CSNK2B: variants seen among roughly 807,000 people sequenced by gnomAD.
CSNK2B encodes casein kinase 2 beta.
A neutral mutation model predicts 28.8 loss-of-function variants in CSNK2B; 2 were observed. That is an observed-to-expected ratio of 0.07 (90% CI 0.03 to 0.22). The LOEUF (loss-of-function observed/expected upper bound fraction) is 0.22. Among genes scored for constraint, CSNK2B ranks in the 10% least tolerant of loss-of-function variants. The probability of loss-of-function intolerance (pLI) is 1.00; values close to 1 mark genes in which losing one functional copy is unlikely to be tolerated. For synonymous variants in CSNK2B, 89 were observed against 96.1 expected (o/e 0.93, Z 0.43); for missense variants, 107 against 277.9 (o/e 0.39, Z 4.37).
In CSNK2B at chr6:31,666,686, C is replaced by T. The variant is rs1215214231; in HGVS notation, c.-11-135C>T. On this transcript the variant is annotated intron_variant, in intron 1 of 6. Coordinates refer to ENST00000375882, the MANE Select transcript of CSNK2B (RefSeq NM_001320.7). ...AAATTAGAGGAGCTGGAGAGGAGTGCTTCAGAGTTTGGGTTGCTTTAAGAA... is the reference window on the plus strand; with the variant it reads ...AAATTAGAGGAGCTGGAGAGGAGTGTTTCAGAGTTTGGGTTGCTTTAAGAA... The T allele has an allele frequency of 7.8e-6, 5 of 638,522 alleles. No individual in the cohort carries two copies. In the East Asian group the frequency reaches 8.1e-5, roughly 10 times the overall value. The allele number at this position is 638,522 out of a possible 1,614,324, so 39.6% of individuals were successfully genotyped here. A position where few individuals can be genotyped will look rare whatever the true frequency, so the allele number is the denominator to read the frequency against.
At chr6:31,666,962 C>T (rs778586673) in intron 2 of CSNK2B, 59 bp downstream of exon 2, 5 of 1,335,868 alleles carry the variant, frequency 3.7e-6, no homozygotes, top group South Asian at 3.5e-5. Context: ...CCAGACGTTC[C>T]TTCACATATT....
chr6:31,666,607 C>T (rs779387816), intron 1 of CSNK2B: 1 of 586,630 alleles, frequency 1.7e-6, no homozygotes, highest in Non-Finnish European at 3.0e-6. Context: ...TGGCTTCTTT[C>T]AAGTGGTGGG....
rs1461906064 is a variant in CSNK2B, at chr6:31,669,530, T to C, written c.557+22T>C. Reference sequence around the variant, plus strand: ...CCAGGTAGGGAGCAGGGAGAGTCATTAAGGGTCAAAGGAAAGGCCCAAGAT... The same window carrying C: ...CCAGGTAGGGAGCAGGGAGAGTCATCAAGGGTCAAAGGAAAGGCCCAAGAT... On this transcript the variant is annotated intron_variant, in intron 6 of 6. Transcript: ENST00000375882. The surrounding 1 kb of genome is among the most constrained non-coding windows in gnomAD (Gnocchi z 4.8). 5.6e-6 allele frequency: 9 copies of C among 1,599,754 alleles called. No homozygotes were observed. Among genetic ancestry groups the C allele is most frequent in the Non-Finnish European group, 7.6e-6 (9 of 1,177,676 alleles).
At chr6:31,666,776 C>T in intron 1 of CSNK2B, 45 bp from the exon 2 acceptor site, 1 of 1,488,790 alleles carries the variant, frequency 6.7e-7, no homozygotes, top group Non-Finnish European at 9.3e-7. Context: ...ATACCAGAGG[C>T]AGGGAAGGAG....
chr6:31,669,590 C>A lies in CSNK2B; in HGVS notation c.557+82C>A. ...AGGGGAGGACAGGGCATGGCCCTTT[C>A]TTGAGGTCTGCTTCTCCCAGAATCA... On this transcript the variant is annotated intron_variant, in intron 6 of 6. Coordinates refer to ENST00000375882, the MANE Select transcript of CSNK2B (RefSeq NM_001320.7). This position sits in a 1 kb window ranked among gnomAD's most constrained non-coding sequence, Gnocchi z 4.8. 1 of 1,453,220 alleles carries A rather than the reference C, an allele frequency of 6.9e-7. No individual in the cohort carries two copies. The highest frequency in any genetic ancestry group is 9.3e-7 in the Non-Finnish European group (1 of 1,076,212). 90.0% of individuals were successfully genotyped at this position (1,453,220 alleles called of 1,614,324 possible). A position where few individuals can be genotyped will look rare whatever the true frequency, so the allele number is the denominator to read the frequency against.
At position 31,669,654 on chromosome 6, in the gene CSNK2B, G is replaced by T; in HGVS notation, c.557+146G>T. On this transcript the variant is annotated intron_variant, in intron 6 of 6. Coordinates refer to ENST00000375882, the MANE Select transcript of CSNK2B (RefSeq NM_001320.7). The surrounding 1 kb of genome is among the most constrained non-coding windows in gnomAD (Gnocchi z 4.8). The stretch of plus-strand genomic sequence containing the variant: ...CTGAGTGACTGTGGGAAAGTTATTT[G>T]ATTATCTGTGCTTGAGTTACCTTAT... 9.2e-7 allele frequency: 1 copy of T among 1,089,918 alleles called. No homozygotes were observed. The highest frequency in any genetic ancestry group is 1.5e-5 in the South Asian group (1 of 65,698). The allele number at this position is 1,089,918 out of a possible 1,614,324, so 67.5% of individuals were successfully genotyped here. A position where few individuals can be genotyped will look rare whatever the true frequency, so the allele number is the denominator to read the frequency against.
Position 31,666,095 on chromosome 6 carries a change from C to G in CSNK2B, c.-125C>G, listed in dbSNP as rs1437874025. On this transcript the variant is annotated 5_prime_UTR_variant, in exon 1 of 7. Transcript: ENST00000375882. ...CACCCTCCCTAATTTCCACTCCCCC[C>G]ACCCCACTTCGCCTGCCGCGGTCGG... 2 of 994,408 alleles carry G rather than the reference C, an allele frequency of 2.0e-6. No homozygotes were observed. Among genetic ancestry groups the G allele is most frequent in the South Asian group, 4.3e-5 (1 of 23,428 alleles). 61.6% of individuals were successfully genotyped at this position (994,408 alleles called of 1,614,324 possible). A position where few individuals can be genotyped will look rare whatever the true frequency, so the allele number is the denominator to read the frequency against.
At chr6:31,668,462 C>T (rs1801952200) in intron 3 of CSNK2B, 77 bp from the exon 4 acceptor site, 7 of 1,304,862 alleles carry the variant, frequency 5.4e-6, no homozygotes, top group South Asian at 2.5e-5. Flanking sequence ...CTGAATAGCC[C>T]GCAGCCCCTG....
rs540112989 is a variant in CSNK2B at position 31,667,153 on chromosome 6, A to T, written c.72+250A>T. On this transcript the variant is annotated intron_variant, in intron 2 of 6. Coordinates refer to ENST00000375882, the MANE Select transcript of CSNK2B (RefSeq NM_001320.7). ...TTTGTGTCTTTTTCTTTTTTTTGAG[A>T]CTGGGTCTCACTCTGTCACCGAGGC... 3 of 656,748 alleles carry T rather than the reference A, an allele frequency of 4.6e-6. No individual in the cohort carries two copies. The African/African-American group carries it at 5.3e-5, about 12-fold the overall frequency. The allele number at this position is 656,748 out of a possible 1,614,324, so 40.7% of individuals were successfully genotyped here.
Position 31,670,031 on chromosome 6 carries a change from G to T in CSNK2B, c.*105G>T. The T allele has an allele frequency of 1.1e-6, 1 of 877,270 alleles. No individual in the cohort carries two copies. Among genetic ancestry groups the T allele is most frequent in the Non-Finnish European group, 1.7e-6 (1 of 592,010 alleles). The allele number at this position is 877,270 out of a possible 1,614,324, so 54.3% of individuals were successfully genotyped here. A position where few individuals can be genotyped will look rare whatever the true frequency, so the allele number is the denominator to read the frequency against. On this transcript the variant is annotated 3_prime_UTR_variant, in exon 7 of 7. Transcript: ENST00000375882. ...AGTTTAAATTAAAGGAGTCGTTATCGTGGTGGGAATATGAAATAAAGTAGA... is the reference window on the plus strand; with the variant it reads ...AGTTTAAATTAAAGGAGTCGTTATCTTGGTGGGAATATGAAATAAAGTAGA...
In CSNK2B at chr6:31,666,919, C is replaced by T; in HGVS notation, c.72+16C>T. 4 of 1,600,604 alleles carry T rather than the reference C, an allele frequency of 2.5e-6. No homozygotes were observed. The highest frequency in any genetic ancestry group is 3.4e-6 in the Non-Finnish European group (4 of 1,167,694). ...CTTCTGTGAAGTGAGTTCTCTTCAA[C>T]CTCCCTACTTGCCAGCTTCACATAT... On this transcript the variant is annotated intron_variant, in intron 2 of 6. Transcript: ENST00000375882.
intron 2 of CSNK2B, chr6:31,667,200 C>T (rs1418331689): frequency 6.5e-5 from 37 of 566,392 alleles, no homozygotes; most frequent in Admixed American, 3.7e-4. Flanking sequence ...GGTGCGATCT[C>T]GGCTTACTGC....
At position 31,669,659 on chromosome 6, in the gene CSNK2B, T is replaced by A. The variant is rs1365350122; in HGVS notation, c.557+151T>A. ...TGACTGTGGGAAAGTTATTTGATTA[T>A]CTGTGCTTGAGTTACCTTATTGTAG... is the stretch of plus-strand genomic sequence containing the variant. On this transcript the variant is annotated intron_variant, in intron 6 of 6. Coordinates refer to ENST00000375882, the MANE Select transcript of CSNK2B (RefSeq NM_001320.7). This position sits in a 1 kb window ranked among gnomAD's most constrained non-coding sequence, Gnocchi z 4.8. The A allele has an allele frequency of 5.5e-6, 6 of 1,087,288 alleles. No homozygotes were observed. The highest frequency in any genetic ancestry group is 6.6e-6 in the Non-Finnish European group (5 of 761,410). The allele number at this position is 1,087,288 out of a possible 1,614,324, so 67.4% of individuals were successfully genotyped here. A position where few individuals can be genotyped will look rare whatever the true frequency, so the allele number is the denominator to read the frequency against.
chr6:31,667,589 C>A (rs1027785109), intron 2 of CSNK2B, among the ~76,000 whole-genome samples: 1 of 152,106 alleles, frequency 6.6e-6, no homozygotes, highest in Non-Finnish European at 1.5e-5. Flanking sequence ...TTCCTAGAGA[C>A]GGGATACAGG....
chr6:31,666,744 G>A, intron 1 of CSNK2B, 77 bp from the exon 2 acceptor site: 1 of 1,213,440 alleles, frequency 8.2e-7, no homozygotes, highest in Non-Finnish European at 1.2e-6. Context: ...TGGTTGGAGG[G>A]CCGAATGTGG....
chr6:31,668,381 G>A, intron 3 of CSNK2B, 158 bp from the exon 4 acceptor site: 1 of 636,226 alleles, frequency 1.6e-6, no homozygotes, highest in Non-Finnish European at 2.8e-6. Flanking sequence ...GCAAGGGTCA[G>A]AAGCCCAGGT....
intron 2 of CSNK2B, 74 bp downstream of exon 2, chr6:31,666,977 T>TTC: frequency 8.3e-7 from 1 of 1,204,522 alleles, no homozygotes; most frequent in South Asian, 1.2e-5. Flanking sequence ...CATATTCCAC[T>TTC]TCTGCACTGT....
At chr6:31,667,995 G>A in intron 3 of CSNK2B, 25 bp downstream of exon 3, 1 of 1,404,774 alleles carries the variant, frequency 7.1e-7, no homozygotes, top group East Asian at 2.3e-5. Flanking sequence ...GGGTTGTTTT[G>A]TGTGTGTGCG....
intron 2 of CSNK2B, chr6:31,667,213 C>T (rs562376486): frequency 4.3e-5 from 23 of 539,402 alleles, no homozygotes; most frequent in African/African-American, 2.8e-4. Context: ...CTTACTGCCA[C>T]CTCTGCCTCC....
Sources: gnomAD v4.1 joint callset for allele counts (sites outside exome capture counted in the v4.1 genomes callset) on GRCh38, gnomAD v4.1.1 for gene constraint, Gnocchi (gnomAD v3.1) non-coding constraint, MANE v1.5 for transcripts, NCBI Gene and HGNC (gene_info 2026-07-23, HGNC 2026-07-21) for gene names.